The following RBM19 variants were observed in gnomAD, a reference collection of about 807,000 sequenced individuals.
RBM19 encodes RNA binding motif protein 19, also known as probable RNA-binding protein 19.
RBM19 carries 94 observed loss-of-function variants against 116.8 expected under a neutral mutation model. The ratio of observed to expected loss-of-function variants is 0.80; its 90% CI spans 0.68 to 0.95. The LOEUF (loss-of-function observed/expected upper bound fraction) is 0.95. RBM19 is among the 40% of genes least tolerant of loss of function. RBM19 has a pLI of 0.00. For missense variants in RBM19, 1,161 were observed against 1,220.7 expected (o/e 0.95, Z 0.73); for synonymous variants, 475 against 494.1 (o/e 0.96, Z 0.51).
chr12:113,897,927 G>A (rs1028739218), intron 21 of RBM19, among the ~76,000 whole-genome samples: 4 of 152,230 alleles, frequency 2.6e-5, no homozygotes, highest in Admixed American at 2.6e-4. Flanking sequence ...CACAGGACAT[G>A]CCAAGGAGCA....
At chr12:113,874,536 G>A (rs996597861) in intron 21 of RBM19, among the ~76,000 whole-genome samples, 1 of 152,216 alleles carries the variant, frequency 6.6e-6, no homozygotes, top group Non-Finnish European at 1.5e-5. Context: ...CAGGACTTGC[G>A]TGTGGGTCTG....
At position 113,940,077 on chromosome 12, in the gene RBM19, G is replaced by A. The variant is rs531819697; in HGVS notation, c.1821C>T (p.Phe607=). 75 of 1,614,068 alleles carry A rather than the reference G, an allele frequency of 4.6e-5. No individual in the cohort carries two copies. The highest frequency in any genetic ancestry group is 2.0e-4 in the South Asian group (18 of 91,074). ...CGCGGCCCAGGCTGCCAAAATGGCC[G>A]AAGGTCTCCTGCAGCTGGGCCGCCA... ...GTLAAQLQET[F]GHFGSLGRVL... The change falls in exon 15 of 24, where the codon TTC becomes TTT. Residue 607 remains phenylalanine (F), a synonymous_variant. Transcript: ENST00000261741.
chr12:113,966,036 G>C (rs1190954054), intron 1 of RBM19, 156 bp downstream of exon 1: 2 of 783,816 alleles, frequency 2.6e-6, no homozygotes, highest in Non-Finnish European at 4.2e-6. Flanking sequence ...GATCAAATGG[G>C]GATAAGCCCA....
intron 21 of RBM19, among the ~76,000 whole-genome samples, chr12:113,868,979 C>T (rs965530345): frequency 2.6e-5 from 4 of 152,192 alleles, no homozygotes. Context: ...GGGCTCCAAC[C>T]AACGTCCCCC....
intron 21 of RBM19, among the ~76,000 whole-genome samples, chr12:113,892,250 C>T (rs1247160006): frequency 6.6e-6 from 1 of 152,158 alleles, no homozygotes; most frequent in African/African-American, 2.4e-5. Context: ...CTTAACCAGC[C>T]ACGAGACCTC....
chr12:113,887,519 C>T (rs758170253), intron 21 of RBM19, among the ~76,000 whole-genome samples: 39 of 140,726 alleles, frequency 2.8e-4, no homozygotes, highest in Admixed American at 5.8e-4. Context: ...CACTTGTGGT[C>T]GCAGCTACTC....
At chr12:113,877,849 T>C (rs868824127) in intron 21 of RBM19, among the ~76,000 whole-genome samples, 1 of 152,198 alleles carries the variant, frequency 6.6e-6, no homozygotes, top group Non-Finnish European at 1.5e-5. Context: ...GCCCAGCTCC[T>C]GCTCTCTAAT....
chr12:113,870,293 T>C (rs1341166548), intron 21 of RBM19, among the ~76,000 whole-genome samples: 2 of 152,180 alleles, frequency 1.3e-5, no homozygotes, highest in Non-Finnish European at 2.9e-5. Context: ...GCCGCTCAAC[T>C]TCGCAGCACC....
rs1186556057 is a variant in RBM19, at chr12:113,939,954, C to T, written c.1938+6G>A. 4 of 1,613,488 alleles carry T rather than the reference C, an allele frequency of 2.5e-6. No individual in the cohort carries two copies. The highest frequency in any genetic ancestry group is 3.4e-6 in the Non-Finnish European group (4 of 1,179,748). ...CAGATCAATTCTGGGTCTCCAGCAG[C>T]CCTACCTTGGAATAGGCCAGATGCC... On this transcript the variant is annotated splice_donor_region_variant and intron_variant, in intron 15 of 23. Coordinates refer to ENST00000261741, the MANE Select transcript of RBM19 (RefSeq NM_016196.4).
chr12:113,875,868 C>T (rs1200585948), intron 21 of RBM19, among the ~76,000 whole-genome samples: 3 of 152,188 alleles, frequency 2.0e-5, no homozygotes, highest in African/African-American at 7.2e-5. Flanking sequence ...TGTGCACACA[C>T]AGGAGAGGGG....
chr12:113,933,570 A>G (rs987917706), intron 16 of RBM19, among the ~76,000 whole-genome samples: 3 of 152,140 alleles, frequency 2.0e-5, no homozygotes, highest in Admixed American at 1.3e-4. Flanking sequence ...TGTGTGAGTC[A>G]TGGTCAGGCC....
intron 22 of RBM19, among the ~76,000 whole-genome samples, chr12:113,847,336 T>C (rs1241126161): frequency 2.0e-5 from 3 of 152,170 alleles, no homozygotes; most frequent in Admixed American, 6.5e-5. Context: ...AAATTTTTTC[T>C]TTCCTTTTTT....
chr12:113,950,026 T>TGAAGGAAC, intron 9 of RBM19, 57 bp downstream of exon 9: 2 of 1,440,402 alleles, frequency 1.4e-6, no homozygotes, highest in Non-Finnish European at 1.9e-6. Flanking sequence ...GTAAAGGAAA[T>TGAAGGAAC]GAAGGAACGA....
intron 15 of RBM19, among the ~76,000 whole-genome samples, chr12:113,937,788 T>C (rs1453300669): frequency 1.4e-5 from 2 of 146,212 alleles, no homozygotes; most frequent in African/African-American, 5.0e-5. Flanking sequence ...AGAGGGGCCC[T>C]GGGCAGGCGG....
chr12:113,927,415 CAG>C (rs1869186531), intron 16 of RBM19, 186 bp from the exon 17 acceptor site: 4 of 649,572 alleles, frequency 6.2e-6, no homozygotes, highest in Non-Finnish European at 1.0e-5. Flanking sequence ...ACTCTTGAGA[CAG>C]AGAGAAAGTC....
chr12:113,833,462 C>G (rs942980078), intron 23 of RBM19, among the ~76,000 whole-genome samples: 3 of 152,236 alleles, frequency 2.0e-5, no homozygotes. Context: ...GAGCTTCCCA[C>G]TGCACCTTGA....
At chr12:113,849,224 T>C (rs1440427317) in intron 22 of RBM19, among the ~76,000 whole-genome samples, 1 of 152,190 alleles carries the variant, frequency 6.6e-6, no homozygotes, top group African/African-American at 2.4e-5. Flanking sequence ...GTGCCAGTCT[T>C]CCTGACTCAA....
intron 21 of RBM19, among the ~76,000 whole-genome samples, chr12:113,873,689 TA>T (rs146761765): frequency 0.39 from 49,260 of 127,536 alleles, 8,810 homozygotes; most frequent in South Asian, 0.48. Context: ...AAAAATAAAT[TA>T]AAAAAAAAAA....
chr12:113,850,576 T>C (rs1877366576), intron 22 of RBM19, among the ~76,000 whole-genome samples: 1 of 152,248 alleles, frequency 6.6e-6, no homozygotes, highest in Admixed American at 6.5e-5. Context: ...AAGGCTGCCA[T>C]TGCAGCACTG....
Sources: gnomAD v4.1 joint callset for allele counts (sites outside exome capture counted in the v4.1 genomes callset) on GRCh38, gnomAD v4.1.1 for gene constraint, MANE v1.5 for transcripts, NCBI Gene and HGNC (gene_info 2026-07-23, HGNC 2026-07-21) for gene names.